The following NIBAN1 variants were observed in gnomAD, a reference collection of about 807,000 sequenced individuals.
NIBAN1 encodes the protein protein Niban 1.
In NIBAN1, 81 loss-of-function variants were observed where a neutral mutation model predicts 75.1. That is an observed-to-expected ratio of 1.08 (90% confidence interval 0.90 to 1.30). The LOEUF (loss-of-function observed/expected upper bound fraction) is 1.30, where lower values mean the gene tolerates loss of function less well. Among genes scored for constraint, NIBAN1 ranks in the 50% most tolerant of loss-of-function variants. The probability of loss-of-function intolerance (pLI) is 0.00; values close to 1 mark genes in which losing one functional copy is unlikely to be tolerated. For missense variants in NIBAN1, 1,133 were observed against 1,128.1 expected (o/e 1.00, Z -0.06); for synonymous variants, 436 against 424.8 (o/e 1.03, Z -0.32).
At chr1:184,931,484 T>C (rs186027531) in intron 1 of NIBAN1, among the ~76,000 whole-genome samples, 1 of 152,362 alleles carries the variant, frequency 6.6e-6, no homozygotes, top group Admixed American at 6.5e-5. Context: ...TATATGTCTT[T>C]ACATGTAACT....
At position 184,879,638 on chromosome 1, in the gene NIBAN1, A is replaced by G. The variant is rs191016593; in HGVS notation, c.601+4995T>C. On this transcript the variant is annotated intron_variant, in intron 5 of 13. Coordinates refer to ENST00000367511, the MANE Select transcript of NIBAN1 (RefSeq NM_052966.4). ...AAAGGATTTGCTCTGTCTGATTTGA[A>G]TTGTAAGGTCCTTTGTTGTTCTAAA... Among the ~76,000 whole-genome samples the G allele has an allele frequency of 6.6e-5, 10 of 152,344 alleles. No homozygotes were observed. In the East Asian group the frequency reaches 1.9e-3, roughly 29 times the overall value.
At position 184,824,197 on chromosome 1, in the gene NIBAN1, A is replaced by G. The variant is rs148165508; in HGVS notation, c.718-455T>C. Among the ~76,000 whole-genome samples the G allele has an allele frequency of 2.0e-3, 300 of 152,314 alleles. 3 individuals carry two copies. Among genetic ancestry groups the G allele is most frequent in the African/African-American group, 7.0e-3 (292 of 41,560 alleles). ...CTCCTAAGCCCTTCATGATCAAGGT[A>G]TCAAAGTATCTCCATGCTCTTCGTC... On this transcript the variant is annotated intron_variant, in intron 6 of 13. Transcript: ENST00000367511.
rs1460890474 is a variant in NIBAN1 at position 184,791,075 on chromosome 1, T to A, written c.*3902A>T. 3 of 471,024 alleles carry A rather than the reference T, an allele frequency of 6.4e-6. No individual in the cohort carries two copies. Among genetic ancestry groups the A allele is most frequent in the Non-Finnish European group, 1.3e-5 (3 of 227,014 alleles). 29.2% of individuals were successfully genotyped at this position (471,024 alleles called of 1,614,324 possible). ...ATTGGAATATAGGCACCTGGCAGAGTAAATACATGGTTACAAAGTGTTTTA... is the reference window on the plus strand; with the variant it reads ...ATTGGAATATAGGCACCTGGCAGAGAAAATACATGGTTACAAAGTGTTTTA... On this transcript the variant is annotated 3_prime_UTR_variant, in exon 14 of 14. Transcript: ENST00000367511.
At position 184,936,390 on chromosome 1, in the gene NIBAN1, A is replaced by G. The variant is rs1657962378; in HGVS notation, c.56-37081T>C. Among the ~76,000 whole-genome samples the G allele has an allele frequency of 2.0e-5, 3 of 152,200 alleles. 1 individual carries two copies. Among genetic ancestry groups the G allele is most frequent in the Admixed American group, 1.3e-4 (2 of 15,278 alleles). ...CAGCCATCCAAAGGAGCTCTCTGTC[A>G]GGCCTCATATTTCTCATGTTCCTGT... On this transcript the variant is annotated intron_variant, in intron 1 of 13. Coordinates refer to ENST00000367511, the MANE Select transcript of NIBAN1 (RefSeq NM_052966.4).
At chr1:184,962,155 A>C (rs1328009998) in intron 1 of NIBAN1, among the ~76,000 whole-genome samples, 1 of 152,266 alleles carries the variant, frequency 6.6e-6, no homozygotes, top group Non-Finnish European at 1.5e-5. Context: ...AATAGAATAT[A>C]ATGATTATAT....
At chr1:184,822,396 C>G (rs1336935151) in intron 8 of NIBAN1, among the ~76,000 whole-genome samples, 2 of 152,176 alleles carry the variant, frequency 1.3e-5, no homozygotes, top group African/African-American at 2.4e-5. Flanking sequence ...TCCGTAAGGT[C>G]TCAGTTCCAA....
chr1:184,806,083 AGAC>A (rs1272083035), intron 10 of NIBAN1, 27 bp from the exon 11 acceptor site: 2 of 1,591,074 alleles, frequency 1.3e-6, no homozygotes, highest in Admixed American at 3.3e-5. Context: ...ACACAGAAAC[AGAC>A]AACAGTCAGG....
At chr1:184,864,585 C>T (rs1382635040) in intron 5 of NIBAN1, among the ~76,000 whole-genome samples, 5 of 151,764 alleles carry the variant, frequency 3.3e-5, no homozygotes, top group Admixed American at 1.3e-4. Flanking sequence ...TAAGTCACTT[C>T]TTCAAAAGTG....
intron 1 of NIBAN1, among the ~76,000 whole-genome samples, chr1:184,967,428 T>TA (rs200563363): frequency 6.6e-6 from 1 of 151,982 alleles, no homozygotes; most frequent in African/African-American, 2.4e-5. Flanking sequence ...CCAGCTATAC[T>TA]AAAAAAAATT....
chr1:184,798,022 T>C (rs913664081), intron 13 of NIBAN1, 57 bp downstream of exon 13: 2 of 1,160,324 alleles, frequency 1.7e-6, no homozygotes, highest in Admixed American at 3.9e-5. Flanking sequence ...CAGAGTCCTA[T>C]TTCAGGGATG....
chr1:184,944,871 T>G (rs1208345266), intron 1 of NIBAN1, among the ~76,000 whole-genome samples: 1 of 152,248 alleles, frequency 6.6e-6, no homozygotes, highest in Non-Finnish European at 1.5e-5. Flanking sequence ...TGGGATTTAG[T>G]GTATTCCAGA....
At chr1:184,818,392 C>G (rs773907715) in intron 9 of NIBAN1, among the ~76,000 whole-genome samples, 14 of 152,088 alleles carry the variant, frequency 9.2e-5, no homozygotes, top group African/African-American at 3.4e-4. Context: ...TTCACTTGTA[C>G]ACACAGGTTA....
intron 4 of NIBAN1, among the ~76,000 whole-genome samples, chr1:184,889,109 GC>G (rs1416957160): frequency 6.6e-6 from 1 of 152,180 alleles, no homozygotes; most frequent in African/African-American, 2.4e-5. Flanking sequence ...TATGATTTAT[GC>G]AAAGCCAAAT....
At chr1:184,948,388 A>C (rs1452494185) in intron 1 of NIBAN1, among the ~76,000 whole-genome samples, 1 of 152,230 alleles carries the variant, frequency 6.6e-6, no homozygotes, top group African/African-American at 2.4e-5. Context: ...AACTTCTGCT[A>C]CCAGGAGTCC....
chr1:184,859,176 A>G (rs551387133), intron 5 of NIBAN1, among the ~76,000 whole-genome samples: 1 of 152,016 alleles, frequency 6.6e-6, no homozygotes, highest in African/African-American at 2.4e-5. Context: ...GTATGTATAT[A>G]TATGTGCGGT....
rs200932673 is a variant in NIBAN1 at position 184,930,997 on chromosome 1, C to CTTTTTTTTTTTTTTTTTTT, written c.56-31707_56-31689dup. Among the ~76,000 whole-genome samples, 4 of 114,556 alleles carry CTTTTTTTTTTTTTTTTTTT rather than the reference C, an allele frequency of 3.5e-5. 2 individuals carry two copies. The allele number at this position is 114,556 out of a possible 152,430, so 75.2% of individuals were successfully genotyped here. Reference sequence around the variant, plus strand: ...GTTTCTAAGTGCACTTTTTCTTCTTCTTTTTTTTTTTTTTTTTTTTGAGAC... The same window carrying CTTTTTTTTTTTTTTTTTTT: ...GTTTCTAAGTGCACTTTTTCTTCTTCTTTTTTTTTTTTTTTTTTTTTTTTTTTTTTTTTTTTTTTGAGAC... On this transcript the variant is annotated intron_variant, in intron 1 of 13. Coordinates refer to ENST00000367511, the MANE Select transcript of NIBAN1 (RefSeq NM_052966.4).
At chr1:184,840,785 T>C (rs1655265397) in intron 5 of NIBAN1, among the ~76,000 whole-genome samples, 2 of 151,408 alleles carry the variant, frequency 1.3e-5, no homozygotes, top group South Asian at 2.1e-4. Flanking sequence ...ATGATTTTGA[T>C]TGGCACAGTA....
At chr1:184,845,574 T>C (rs1331493452) in intron 5 of NIBAN1, among the ~76,000 whole-genome samples, 1 of 152,150 alleles carries the variant, frequency 6.6e-6, no homozygotes, top group Non-Finnish European at 1.5e-5. Context: ...TTGGGCAACA[T>C]AGTGAGACCC....
intron 1 of NIBAN1, among the ~76,000 whole-genome samples, chr1:184,932,451 C>T (rs1186602098): frequency 1.3e-5 from 2 of 152,166 alleles, no homozygotes; most frequent in Admixed American, 6.5e-5. Flanking sequence ...CAGTAGAGTT[C>T]GTGCTCCTAT....
Sources: allele counts gnomAD v4.1 joint callset (sites outside exome capture counted in the v4.1 genomes callset), GRCh38; gene constraint gnomAD v4.1.1; transcripts MANE v1.5; gene names NCBI Gene and HGNC (gene_info 2026-07-23, HGNC 2026-07-21).